ZFYVE9: variants seen among roughly 807,000 people sequenced by gnomAD.
The protein encoded by ZFYVE9 is zinc finger FYVE domain-containing protein 9.
In ZFYVE9, 43 loss-of-function variants were observed where a neutral mutation model predicts 126.7. That is an observed-to-expected ratio of 0.34 (90% CI 0.27 to 0.44). The LOEUF (loss-of-function observed/expected upper bound fraction) is 0.44, where lower values mean the gene tolerates loss of function less well. ZFYVE9 is among the 20% of genes least tolerant of loss of function. The pLI is 1.00. For synonymous variants in ZFYVE9, 521 were observed against 597.4 expected (o/e 0.87, Z 1.87); for missense variants, 1,476 against 1,697.0 (o/e 0.87, Z 2.29).
chr1:52,173,787 T>A (rs1045627700), intron 1 of ZFYVE9, among the ~76,000 whole-genome samples: 1 of 152,142 alleles, frequency 6.6e-6, no homozygotes, highest in Non-Finnish European at 1.5e-5. Context: ...AGTTTATTTG[T>A]GTAGAGGTGT....
chr1:52,185,918 C>CA (rs777825678), intron 1 of ZFYVE9, among the ~76,000 whole-genome samples: 10,169 of 65,390 alleles, frequency 0.16, 662 homozygotes, highest in African/African-American at 0.28. Context: ...GACTCCGTCT[C>CA]AAAAAAAAAA....
chr1:52,252,952 G>A (rs908927522), intron 4 of ZFYVE9, among the ~76,000 whole-genome samples: 24 of 152,182 alleles, frequency 1.6e-4, no homozygotes, highest in African/African-American at 5.3e-4. Context: ...GGTGGCTCAC[G>A]CCTGTAATCC....
intron 1 of ZFYVE9, among the ~76,000 whole-genome samples, chr1:52,211,695 A>T (rs1172319204): frequency 6.6e-6 from 1 of 152,214 alleles, no homozygotes; most frequent in African/African-American, 2.4e-5. Context: ...ATAAAATTTA[A>T]GAGTTTGATT....
intron 3 of ZFYVE9, 118 bp from the exon 4 acceptor site, chr1:52,237,370 A>T (rs1212390931): frequency 2.1e-6 from 2 of 953,738 alleles, no homozygotes; most frequent in Non-Finnish European, 1.5e-6. Flanking sequence ...CCCGAATTAG[A>T]AATCTAATAT....
intron 4 of ZFYVE9, chr1:52,253,945 C>G (rs970128095): frequency 7.7e-6 from 7 of 905,402 alleles, no homozygotes; most frequent in Non-Finnish European, 1.3e-5. Context: ...TCAAGAAATT[C>G]GGCAACTTGA....
intron 13 of ZFYVE9, among the ~76,000 whole-genome samples, chr1:52,307,273 TCA>T (rs1395419793): frequency 6.6e-6 from 1 of 152,116 alleles, no homozygotes; most frequent in South Asian, 2.1e-4. Flanking sequence ...TCCTGCTCTG[TCA>T]CCCAGGCTGG....
chr1:52,303,240 T>C (rs752562199), intron 12 of ZFYVE9, among the ~76,000 whole-genome samples: 6 of 152,138 alleles, frequency 3.9e-5, no homozygotes, highest in Non-Finnish European at 8.8e-5. Flanking sequence ...TACCAAGGAG[T>C]CAGATCTGTT....
At position 52,346,624 on chromosome 1, in the gene ZFYVE9, A is replaced by G. The variant is rs187222994; in HGVS notation, c.*403A>G. On this transcript the variant is annotated 3_prime_UTR_variant, in exon 19 of 19. Coordinates refer to ENST00000287727, the MANE Select transcript of ZFYVE9 (RefSeq NM_004799.4). The stretch of plus-strand genomic sequence containing the variant: ...TGGGAGGGCAGAGGGGAAATAAAAT[A>G]TAAAGCATCAGTTCTTGCACTCTTT... The G allele has an allele frequency of 2.8e-4, 114 of 401,004 alleles. 1 individual carries two copies. In the East Asian group the frequency reaches 3.8e-3, roughly 13 times the overall value. 24.8% of individuals were successfully genotyped at this position (401,004 alleles called of 1,614,324 possible).
intron 18 of ZFYVE9, among the ~76,000 whole-genome samples, chr1:52,345,511 G>C (rs1646475369): frequency 6.6e-6 from 1 of 152,126 alleles, no homozygotes; most frequent in Non-Finnish European, 1.5e-5. Context: ...CTGCTTAACG[G>C]CTTGCCCAAT....
intron 12 of ZFYVE9, among the ~76,000 whole-genome samples, chr1:52,303,155 A>G (rs1190513808): frequency 2.6e-5 from 4 of 152,094 alleles, no homozygotes; most frequent in African/African-American, 7.2e-5. Context: ...AGCTCTCACT[A>G]TCTCCTACCT....
At chr1:52,260,125 A>G (rs1182554898) in intron 4 of ZFYVE9, among the ~76,000 whole-genome samples, 2 of 152,060 alleles carry the variant, frequency 1.3e-5, no homozygotes, top group Non-Finnish European at 2.9e-5. Context: ...GATATTGTCA[A>G]ATTAACCTAC....
chr1:52,143,351 T>C (rs1165828846), intron 1 of ZFYVE9, among the ~76,000 whole-genome samples: 1 of 152,236 alleles, frequency 6.6e-6, no homozygotes. Context: ...TGATTACAGT[T>C]TGATACCGTA....
At chr1:52,171,542 T>A (rs550006196) in intron 1 of ZFYVE9, among the ~76,000 whole-genome samples, 10 of 152,244 alleles carry the variant, frequency 6.6e-5, no homozygotes, top group Admixed American at 1.3e-4. Flanking sequence ...GTCAAATGGT[T>A]TTTCTAGTTC....
intron 6 of ZFYVE9, 56 bp downstream of exon 6, chr1:52,266,887 G>C: frequency 6.8e-7 from 1 of 1,467,602 alleles, no homozygotes; most frequent in Non-Finnish European, 9.1e-7. Context: ...CTCTGAAAAG[G>C]TGCTGATATG....
At chr1:52,205,523 C>CT in intron 1 of ZFYVE9, among the ~76,000 whole-genome samples, 1 of 149,316 alleles carries the variant, frequency 6.7e-6, no homozygotes, top group Non-Finnish European at 1.5e-5. Context: ...ACCACCATGC[C>CT]TGGCTAATTA....
At chr1:52,169,398 TGAATA>T (rs1557434956) in intron 1 of ZFYVE9, among the ~76,000 whole-genome samples, 1 of 152,174 alleles carries the variant, frequency 6.6e-6, no homozygotes. Context: ...AGACACTGTC[TGAATA>T]AAATAAAATA....
At chr1:52,290,934 G>T (rs914582743) in intron 10 of ZFYVE9, among the ~76,000 whole-genome samples, 1 of 152,046 alleles carries the variant, frequency 6.6e-6, no homozygotes, top group Non-Finnish European at 1.5e-5. Flanking sequence ...GGACATTGAG[G>T]CTCAGAGAAG....
chr1:52,264,056 G>T (rs911074870), intron 5 of ZFYVE9, 184 bp downstream of exon 5: 1 of 376,090 alleles, frequency 2.7e-6, no homozygotes, highest in Non-Finnish European at 4.8e-6. Flanking sequence ...CAGAATTCCT[G>T]TGCCTAATTT....
chr1:52,239,245 A>T lies in ZFYVE9; in HGVS notation c.1828A>T (p.Asn610Tyr). 1.9e-6 allele frequency: 3 copies of T among 1,614,140 alleles called. No homozygotes were observed. Among genetic ancestry groups the T allele is most frequent in the Non-Finnish European group, 2.5e-6 (3 of 1,180,000 alleles). The change falls in exon 4 of 19, where the codon AAT becomes TAT. Residue 610 changes from asparagine (N) to tyrosine (Y), a missense_variant. Asn to Tyr is a moderately radical substitution (Grantham distance 143). Around this residue, in one of 2 missense-constraint regions of ZFYVE9, gnomAD observed 807 missense variants for 794.6 expected, o/e 1.02. Transcript: ENST00000287727. ...TGACTTTCCTGCAAACAGTGGAAAT[A>T]ATACTAAAAATAAAAATGATATTCT... ...QNDFPANSGN[N>Y]TKNKNDILGK... is the part of the protein sequence containing the mutation.
Sources: gnomAD v4.1 joint callset for allele counts (sites outside exome capture counted in the v4.1 genomes callset) on GRCh38, gnomAD v4.1.1 for gene constraint, gnomAD v4.1.1 regional missense constraint, MANE v1.5 for transcripts, NCBI Gene and HGNC (gene_info 2026-07-23, HGNC 2026-07-21) for gene names.